LPP: variants seen among roughly 807,000 people sequenced by gnomAD.
LPP encodes the protein LIM domain containing preferred translocation partner in lipoma.
Under a neutral mutation model 60.4 loss-of-function variants are expected in LPP, and 38 were observed. The ratio of observed to expected loss-of-function variants is 0.63; its 90% CI spans 0.49 to 0.83. The LOEUF (loss-of-function observed/expected upper bound fraction) is 0.83. Ranked by LOEUF, LPP falls within the 40% of genes least tolerant of loss-of-function variation. LPP has a pLI of 0.00. For missense variants in LPP, 902 were observed against 783.6 expected, an observed-to-expected ratio of 1.15 and a Z score of -1.80; for synonymous variants, 328 against 290.8, an observed-to-expected ratio of 1.13 and a Z score of -1.30.
intron 6 of LPP, among the ~76,000 whole-genome samples, chr3:188,597,529 A>T (rs1179260052): frequency 6.6e-6 from 1 of 152,136 alleles, no homozygotes; most frequent in Non-Finnish European, 1.5e-5. Flanking sequence ...TATAACCAAA[A>T]ACTAGTGAAC....
intron 2 of LPP, among the ~76,000 whole-genome samples, chr3:188,249,836 A>ACACACACACG (rs1728448635): frequency 8.0e-6 from 1 of 124,914 alleles, no homozygotes. Flanking sequence ...GTCTACACAC[A>ACACACACACG]CACACACACA....
At chr3:188,772,731 G>A (rs1405166028) in intron 9 of LPP, among the ~76,000 whole-genome samples, 2 of 152,116 alleles carry the variant, frequency 1.3e-5, no homozygotes, top group Non-Finnish European at 2.9e-5. Flanking sequence ...CTGACTGCAG[G>A]GAGGTCACCT....
At chr3:188,686,354 A>G (rs1277348354) in intron 7 of LPP, among the ~76,000 whole-genome samples, 2 of 152,146 alleles carry the variant, frequency 1.3e-5, no homozygotes, top group African/African-American at 4.8e-5. Flanking sequence ...TACTCCTTTA[A>G]ACTAAGGTAA....
chr3:188,206,914 A>G (rs1733386684), intron 1 of LPP, among the ~76,000 whole-genome samples: 1 of 152,164 alleles, frequency 6.6e-6, no homozygotes, highest in Admixed American at 6.5e-5. Context: ...TGCTTAGTAT[A>G]ATACCTAGCA....
chr3:188,781,152 G>T (rs1473427241), intron 9 of LPP, among the ~76,000 whole-genome samples: 2 of 152,196 alleles, frequency 1.3e-5, no homozygotes, highest in Non-Finnish European at 2.9e-5. Flanking sequence ...ATTTATAGGG[G>T]TTTTGTGAAT....
chr3:188,888,581 T>C lies in LPP; in HGVS notation c.*14102T>C, dbSNP rs535009701. ...AAAGTGAGAAGATGAGCACTAAATA[T>C]AGGCTCTATTAACTTTACTTTTAGA... On this transcript the variant is annotated 3_prime_UTR_variant, in exon 12 of 12. Transcript: ENST00000617246. 1 of 225,194 alleles carries C rather than the reference T, an allele frequency of 4.4e-6. No homozygotes were observed. The highest frequency in any genetic ancestry group is 1.8e-4 in the South Asian group (1 of 5,452). The allele number at this position is 225,194 out of a possible 1,614,324, so 13.9% of individuals were successfully genotyped here.
rs1480360616 is a variant in LPP at position 188,250,776 on chromosome 3, T to TTC, written c.-67+25251_-67+25252dup. ...TTTCTTTCTTTCTTTCTTTCTTTCT[T>TTC]TCTTTCTTTCTGTCTTTCTCTTTCT... is the stretch of plus-strand genomic sequence containing the variant. On this transcript the variant is annotated intron_variant, in intron 2 of 11. Transcript: ENST00000617246. 5.7e-3 allele frequency among the ~76,000 whole-genome samples: 700 copies of TTC among 121,840 alleles called. 16 individuals are homozygous for TTC. Among genetic ancestry groups the TTC allele is most frequent in the African/African-American group, 0.021 (651 of 30,692 alleles). 79.9% of individuals were successfully genotyped at this position (121,840 alleles called of 152,430 possible).
At chr3:188,242,402 G>T (rs1477611874) in intron 2 of LPP, among the ~76,000 whole-genome samples, 1 of 151,564 alleles carries the variant, frequency 6.6e-6, no homozygotes, top group East Asian at 1.9e-4. Context: ...AGAGAGAGAA[G>T]GAAAAGAAGA....
intron 3 of LPP, among the ~76,000 whole-genome samples, chr3:188,346,251 CTTTT>C (rs1050679907): frequency 2.3e-5 from 2 of 88,338 alleles, no homozygotes; most frequent in African/African-American, 1.0e-4. Context: ...AGTAGCAAAT[CTTTT>C]TTTTTTTTTT....
At chr3:188,421,086 A>G (rs896112103) in intron 4 of LPP, among the ~76,000 whole-genome samples, 15 of 152,162 alleles carry the variant, frequency 9.9e-5, no homozygotes, top group Admixed American at 9.8e-4. Flanking sequence ...GCCCCAGACC[A>G]TACAGGTAAA....
At chr3:188,725,086 T>A (rs1044902648) in intron 8 of LPP, among the ~76,000 whole-genome samples, 4 of 152,246 alleles carry the variant, frequency 2.6e-5, no homozygotes, top group African/African-American at 9.6e-5. Context: ...ATTAACTGAT[T>A]CTTCGACTTA....
chr3:188,744,871 A>C (rs1256321351), intron 8 of LPP, among the ~76,000 whole-genome samples: 1 of 152,120 alleles, frequency 6.6e-6, no homozygotes, highest in Non-Finnish European at 1.5e-5. Context: ...TCTTGGGCCC[A>C]GGACTCCAGT....
At chr3:188,271,603 A>G (rs571486565) in intron 2 of LPP, among the ~76,000 whole-genome samples, 1 of 152,334 alleles carries the variant, frequency 6.6e-6, no homozygotes, top group Admixed American at 6.5e-5. Flanking sequence ...ACTTTGAGAT[A>G]AGGCATGATT....
intron 1 of LPP, among the ~76,000 whole-genome samples, chr3:188,177,504 A>T (rs948553739): frequency 2.0e-5 from 3 of 152,168 alleles, no homozygotes; most frequent in Admixed American, 6.5e-5. Context: ...CGGCAAAGAC[A>T]CTAGATCAGA....
In LPP at chr3:188,532,349, T is replaced by C. The variant is rs539907269; in HGVS notation, c.429+7562T>C. Among the ~76,000 whole-genome samples, 4 of 152,190 alleles carry C rather than the reference T, an allele frequency of 2.6e-5. No individual in the cohort carries two copies. In the South Asian group the frequency reaches 8.3e-4, roughly 32 times the overall value. On this transcript the variant is annotated intron_variant, in intron 6 of 11. Coordinates refer to ENST00000617246, the MANE Select transcript of LPP (RefSeq NM_001375462.1). ...CTGAGGCAGGAGAATTGCTTGAACC[T>C]AGGAGACAGAGGTTGCAGTGAGCCG...
rs1452190147 is a variant in LPP, at chr3:188,300,686, TAG to T, written c.-66-40975_-66-40974del. Among the ~76,000 whole-genome samples, 10 of 152,088 alleles carry T rather than the reference TAG, an allele frequency of 6.6e-5. No individual in the cohort carries two copies. In the East Asian group the frequency reaches 1.9e-3, roughly 29 times the overall value. On this transcript the variant is annotated intron_variant, in intron 2 of 11. Transcript: ENST00000617246. ...CATTAGTTACAGAAATACTAAAAAATAGATTGGTTGGTCTCCTGAATGTCCTG... is the reference window on the plus strand; with the variant it reads ...CATTAGTTACAGAAATACTAAAAAATATTGGTTGGTCTCCTGAATGTCCTG...
chr3:188,315,410 C>T (rs1200780337), intron 2 of LPP, among the ~76,000 whole-genome samples: 1 of 151,914 alleles, frequency 6.6e-6, no homozygotes, highest in African/African-American at 2.4e-5. Flanking sequence ...TTCAATAATA[C>T]CTTCTACTTT....
intron 2 of LPP, among the ~76,000 whole-genome samples, chr3:188,324,706 C>T (rs1468951142): frequency 1.3e-5 from 2 of 152,176 alleles, no homozygotes; most frequent in Non-Finnish European, 2.9e-5. Flanking sequence ...ATGGTTTCCC[C>T]TTGTGGCCTT....
intron 7 of LPP, among the ~76,000 whole-genome samples, chr3:188,686,086 A>G (rs552116873): frequency 1.3e-5 from 2 of 152,184 alleles, no homozygotes; most frequent in Non-Finnish European, 2.9e-5. Flanking sequence ...CCTCCTCTGT[A>G]TAATGGGATA....
Sources: gnomAD v4.1 joint callset for allele counts (sites outside exome capture counted in the v4.1 genomes callset) on GRCh38, gnomAD v4.1.1 for gene constraint, MANE v1.5 for transcripts, NCBI Gene and HGNC (gene_info 2026-07-23, HGNC 2026-07-21) for gene names.